The following FOXN3 variants were observed in gnomAD, a reference collection of about 807,000 sequenced individuals.
The protein encoded by FOXN3 is forkhead box protein N3.
A neutral mutation model predicts 38.4 loss-of-function variants in FOXN3; 7 were observed. The observed-to-expected ratio is 0.18, with a 90% CI of 0.10 to 0.34. The LOEUF is 0.34. Among genes scored for constraint, FOXN3 ranks in the 10% least tolerant of loss-of-function variants. FOXN3 has a pLI of 1.00. For synonymous variants in FOXN3, 230 were observed against 242.2 expected (o/e 0.95, Z 0.47); for missense variants, 456 against 613.4 (o/e 0.74, Z 2.71).
At chr14:89,564,429 T>A (rs1452143122) in intron 1 of FOXN3, among the ~76,000 whole-genome samples, 1 of 152,218 alleles carries the variant, frequency 6.6e-6, no homozygotes, top group Non-Finnish European at 1.5e-5. Context: ...AATCCTCAGA[T>A]TGACTCACAT....
intron 4 of FOXN3, among the ~76,000 whole-genome samples, chr14:89,268,525 T>A (rs967107279): frequency 6.6e-6 from 1 of 152,142 alleles, no homozygotes; most frequent in Non-Finnish European, 1.5e-5. Flanking sequence ...GGCTTAAGTA[T>A]AAAGGAGAAT....
chr14:89,323,852 T>C (rs1053789727), intron 3 of FOXN3, among the ~76,000 whole-genome samples: 65 of 151,978 alleles, frequency 4.3e-4, no homozygotes, highest in African/African-American at 1.5e-3. Context: ...GGGGTGGTGG[T>C]GAAGTGTAGA....
At chr14:89,165,734 C>T (rs988838470) in intron 5 of FOXN3, among the ~76,000 whole-genome samples, 3 of 152,108 alleles carry the variant, frequency 2.0e-5, no homozygotes, top group East Asian at 1.9e-4. Flanking sequence ...TTAGAGCAAA[C>T]GAAAATGAAA....
intron 3 of FOXN3, among the ~76,000 whole-genome samples, chr14:89,300,663 A>G (rs1196565983): frequency 6.6e-6 from 1 of 152,204 alleles, no homozygotes; most frequent in Non-Finnish European, 1.5e-5. Context: ...CGAAGATGAG[A>G]GACATAAACA....
chr14:89,612,056 T>A (rs534891861), intron 1 of FOXN3, among the ~76,000 whole-genome samples: 1 of 152,180 alleles, frequency 6.6e-6, no homozygotes, highest in East Asian at 1.9e-4. Flanking sequence ...GTGGTCAGTC[T>A]CGGAGGAAAG....
At chr14:89,474,408 C>T (rs1893167663) in intron 1 of FOXN3, among the ~76,000 whole-genome samples, 3 of 152,134 alleles carry the variant, frequency 2.0e-5, no homozygotes, top group South Asian at 4.1e-4. Context: ...TCCAAGGTGC[C>T]GAGGGCCAGT....
intron 4 of FOXN3, among the ~76,000 whole-genome samples, chr14:89,234,689 C>T (rs7144779): frequency 0.039 from 5,846 of 148,212 alleles, 247 homozygotes; most frequent in African/African-American, 0.1. Flanking sequence ...AACACATATA[C>T]TCCTGCTTCA....
chr14:89,236,539 G>A (rs4904520), intron 4 of FOXN3, among the ~76,000 whole-genome samples: 42,137 of 151,994 alleles, frequency 0.28, 6,921 homozygotes, highest in South Asian at 0.41. Context: ...AAAGTAGCAC[G>A]CAGCCAGCAC....
At chr14:89,475,424 G>A (rs1893191147) in intron 1 of FOXN3, among the ~76,000 whole-genome samples, 1 of 152,166 alleles carries the variant, frequency 6.6e-6, no homozygotes, top group Non-Finnish European at 1.5e-5. Flanking sequence ...GGGAGGCTGA[G>A]GTGGGAGGAT....
intron 4 of FOXN3, among the ~76,000 whole-genome samples, chr14:89,194,785 A>G (rs1275694902): frequency 1.3e-5 from 2 of 152,150 alleles, no homozygotes; most frequent in Non-Finnish European, 2.9e-5. Flanking sequence ...TACTTTCAAA[A>G]TCATACTTTC....
intron 1 of FOXN3, among the ~76,000 whole-genome samples, chr14:89,434,895 C>T (rs4904576): frequency 0.99 from 151,481 of 152,316 alleles, 75,331 homozygotes; most frequent in Middle Eastern, 1. Flanking sequence ...AGAAACACCA[C>T]TGACCCTCAC....
intron 1 of FOXN3, among the ~76,000 whole-genome samples, chr14:89,597,511 T>C (rs1158741335): frequency 5.9e-5 from 9 of 152,210 alleles, no homozygotes; most frequent in Non-Finnish European, 2.9e-5. Flanking sequence ...TATATCCTTA[T>C]TTATTTTGTC....
intron 1 of FOXN3, chr14:89,494,223 A>G (rs1046289909): frequency 2.0e-5 from 3 of 152,230 alleles, no homozygotes; most frequent in African/African-American, 7.2e-5. Context: ...AGTCTGAAAC[A>G]TGTACGTAGC....
At chr14:89,370,583 C>T (rs969000460) in intron 2 of FOXN3, among the ~76,000 whole-genome samples, 1 of 152,248 alleles carries the variant, frequency 6.6e-6, no homozygotes, top group Non-Finnish European at 1.5e-5. Context: ...TCTGAATTCA[C>T]TTGGCAAGAA....
At chr14:89,166,480 A>T (rs938819240) in intron 5 of FOXN3, among the ~76,000 whole-genome samples, 1 of 152,186 alleles carries the variant, frequency 6.6e-6, no homozygotes, top group Non-Finnish European at 1.5e-5. Context: ...CATTTCACAG[A>T]AAAACAGAAG....
At chr14:89,565,319 T>C (rs1895328987) in intron 1 of FOXN3, among the ~76,000 whole-genome samples, 1 of 152,128 alleles carries the variant, frequency 6.6e-6, no homozygotes, top group South Asian at 2.1e-4. Context: ...GACTTCTTGC[T>C]TCCAGAACTT....
At chr14:89,190,997 C>G (rs1393319711) in intron 4 of FOXN3, among the ~76,000 whole-genome samples, 4 of 151,820 alleles carry the variant, frequency 2.6e-5, no homozygotes, top group Admixed American at 6.6e-5. Flanking sequence ...AAAAAAAGCA[C>G]TTAAAATATA....
rs12588917 is a variant in FOXN3 at position 89,247,031 on chromosome 14, C to G, written c.745+33919G>C. On this transcript the variant is annotated intron_variant, in intron 4 of 5. Coordinates refer to ENST00000557258, the MANE Select transcript of FOXN3 (RefSeq NM_005197.4). ...TCTTTCCTTTCTTTCTTCCATCAAA[C>G]ATTCATCCACCCAATAGTCAGTCTG... Among the ~76,000 whole-genome samples, 1,506 of 152,208 alleles carry G rather than the reference C, an allele frequency of 9.9e-3. 107 individuals are homozygous for G. The East Asian group carries it at 0.21, about 21-fold the overall frequency.
intron 2 of FOXN3, among the ~76,000 whole-genome samples, chr14:89,389,334 C>G (rs1039047624): frequency 3.9e-5 from 6 of 152,102 alleles, no homozygotes; most frequent in African/African-American, 1.4e-4. Flanking sequence ...TATAAAATCT[C>G]TAAATATACC....
Sources: allele counts gnomAD v4.1 joint callset (sites outside exome capture counted in the v4.1 genomes callset), GRCh38; gene constraint gnomAD v4.1.1; transcripts MANE v1.5; gene names NCBI Gene and HGNC (gene_info 2026-07-23, HGNC 2026-07-21).